CAMK1D: variants seen among roughly 807,000 people sequenced by gnomAD.
CAMK1D encodes the protein calcium/calmodulin dependent protein kinase ID, also known as calcium/calmodulin-dependent protein kinase type 1D.
CAMK1D carries 9 observed loss-of-function variants against 47.7 expected under a neutral mutation model. The observed-to-expected ratio is 0.19, with a 90% CI of 0.11 to 0.33. The LOEUF is 0.33. Ranked by LOEUF, CAMK1D falls within the 10% of genes least tolerant of loss-of-function variation. CAMK1D has a pLI of 1.00. For synonymous variants in CAMK1D, 184 were observed against 184.9 expected, an observed-to-expected ratio of 0.99 and a Z score of 0.04; for missense variants, 291 against 488.7, an observed-to-expected ratio of 0.60 and a Z score of 3.81.
chr10:12,568,104 CTT>C, intron 2 of CAMK1D, among the ~76,000 whole-genome samples: 3 of 149,152 alleles, frequency 2.0e-5, no homozygotes, highest in Non-Finnish European at 3.0e-5. Flanking sequence ...TGCCTGTCTG[CTT>C]TCCTGCCTTC....
chr10:12,451,251 A>G (rs1320958140), intron 1 of CAMK1D, among the ~76,000 whole-genome samples: 1 of 152,186 alleles, frequency 6.6e-6, no homozygotes, highest in Non-Finnish European at 1.5e-5. Context: ...CCTCTGGCCC[A>G]GAGGAGAGAT....
At chr10:12,597,741 TGTC>T (rs1396753487) in intron 2 of CAMK1D, among the ~76,000 whole-genome samples, 1 of 152,212 alleles carries the variant, frequency 6.6e-6, no homozygotes, top group Non-Finnish European at 1.5e-5. Flanking sequence ...CCCATAGGGC[TGTC>T]TTCACTTCCT....
At chr10:12,529,973 T>A (rs561587191) in intron 1 of CAMK1D, among the ~76,000 whole-genome samples, 1 of 152,322 alleles carries the variant, frequency 6.6e-6, no homozygotes, top group East Asian at 1.9e-4. Context: ...GAAACAAATG[T>A]GAATTTTCTC....
Position 12,657,215 on chromosome 10 carries a change from A to G in CAMK1D, c.225-9521A>G, listed in dbSNP as rs1005748678. On this transcript the variant is annotated intron_variant, in intron 2 of 10. Coordinates refer to ENST00000619168, the MANE Select transcript of CAMK1D (RefSeq NM_153498.4). ...GCCGAGGCAGGCTGATCACGAGGTC[A>G]AGAGATCGAGACCATCCTGGCCAAC... Among the ~76,000 whole-genome samples the G allele has an allele frequency of 1.1e-4, 16 of 152,098 alleles. 1 individual carries two copies. Among genetic ancestry groups the G allele is most frequent in the African/African-American group, 3.9e-4 (16 of 41,404 alleles).
intron 1 of CAMK1D, among the ~76,000 whole-genome samples, chr10:12,365,598 C>T (rs986641365): frequency 6.6e-6 from 1 of 152,002 alleles, no homozygotes; most frequent in Non-Finnish European, 1.5e-5. Context: ...GCCACCATGC[C>T]CGGCTAATTT....
chr10:12,548,760 C>T (rs185978708), intron 1 of CAMK1D, among the ~76,000 whole-genome samples: 13 of 149,110 alleles, frequency 8.7e-5, no homozygotes, highest in Admixed American at 2.7e-4. Context: ...CCACCGCGCC[C>T]GGCCTATTTT....
intron 1 of CAMK1D, among the ~76,000 whole-genome samples, chr10:12,499,227 A>G (rs45503193): frequency 2.8e-3 from 419 of 152,224 alleles, no homozygotes; most frequent in Non-Finnish European, 4.0e-3. Flanking sequence ...TTTCTTACCA[A>G]TCTCAGTACT....
intron 2 of CAMK1D, among the ~76,000 whole-genome samples, chr10:12,611,669 G>A (rs1838629548): frequency 7.4e-6 from 1 of 134,492 alleles, no homozygotes; most frequent in Non-Finnish European, 1.5e-5. Flanking sequence ...TCGGCTCACT[G>A]CAACCTCCCC....
chr10:12,605,388 C>G (rs12775727), intron 2 of CAMK1D, among the ~76,000 whole-genome samples: 3 of 139,520 alleles, frequency 2.2e-5, no homozygotes, highest in Non-Finnish European at 3.2e-5. Context: ...AAGAGAGAGA[C>G]AGACACACAT....
Position 12,377,560 on chromosome 10 carries a change from A to G in CAMK1D, c.92+27650A>G, listed in dbSNP as rs188490413. ...ATAATGATTTTTCTTTTCTTGTTAC[A>G]ATGTATTACAAACGTTATTCAGGAG... On this transcript the variant is annotated intron_variant, in intron 1 of 10. Coordinates refer to ENST00000619168, the MANE Select transcript of CAMK1D (RefSeq NM_153498.4). Among the ~76,000 whole-genome samples the G allele has an allele frequency of 1.1e-4, 17 of 152,246 alleles. No homozygotes were observed. The East Asian group carries it at 3.3e-3, about 29-fold the overall frequency.
intron 6 of CAMK1D, among the ~76,000 whole-genome samples, chr10:12,807,527 TCTC>T (rs1423769160): frequency 1.3e-5 from 2 of 152,114 alleles, no homozygotes; most frequent in Non-Finnish European, 2.9e-5. Flanking sequence ...AGCTGCCCTC[TCTC>T]CTCCTCACCC....
At chr10:12,803,930 G>A (rs1011048443) in intron 6 of CAMK1D, among the ~76,000 whole-genome samples, 5 of 152,162 alleles carry the variant, frequency 3.3e-5, no homozygotes, top group Non-Finnish European at 7.3e-5. Context: ...GGCTGGGAGC[G>A]GGAGGCGCCA....
At chr10:12,378,034 A>G (rs1838232549) in intron 1 of CAMK1D, among the ~76,000 whole-genome samples, 1 of 152,244 alleles carries the variant, frequency 6.6e-6, no homozygotes, top group Non-Finnish European at 1.5e-5. Context: ...CACCCCAGGC[A>G]TGCGGCCCAG....
At chr10:12,536,750 T>A (rs898047178) in intron 1 of CAMK1D, among the ~76,000 whole-genome samples, 2 of 152,244 alleles carry the variant, frequency 1.3e-5, no homozygotes, top group African/African-American at 2.4e-5. Flanking sequence ...TACAGATTGA[T>A]ATAAACGGAA....
At chr10:12,489,538 A>G (rs1834317400) in intron 1 of CAMK1D, among the ~76,000 whole-genome samples, 2 of 152,206 alleles carry the variant, frequency 1.3e-5, no homozygotes, top group Admixed American at 6.5e-5. Context: ...GTGTGCTGGT[A>G]AATGTTTAAC....
intron 1 of CAMK1D, among the ~76,000 whole-genome samples, chr10:12,469,481 A>G (rs759825554): frequency 4.6e-5 from 7 of 152,136 alleles, no homozygotes; most frequent in African/African-American, 7.2e-5. Context: ...GGACATCTGC[A>G]TCGTATTCTC....
chr10:12,572,707 T>C (rs1837365036), intron 2 of CAMK1D, among the ~76,000 whole-genome samples: 1 of 152,094 alleles, frequency 6.6e-6, no homozygotes, highest in Non-Finnish European at 1.5e-5. Context: ...TCACAGCTCA[T>C]TGTAGCCTCA....
chr10:12,527,662 C>A (rs1020205829), intron 1 of CAMK1D, among the ~76,000 whole-genome samples: 2 of 152,156 alleles, frequency 1.3e-5, no homozygotes, highest in Non-Finnish European at 2.9e-5. Context: ...AGGCGTGAGC[C>A]ACCGCGCCCA....
chr10:12,808,263 A>C (rs1193818654), intron 6 of CAMK1D, among the ~76,000 whole-genome samples: 2 of 152,162 alleles, frequency 1.3e-5, no homozygotes, highest in East Asian at 3.8e-4. Flanking sequence ...ACTGTCACCC[A>C]TGTCATTATT....
Sources: gnomAD v4.1 joint callset for allele counts (sites outside exome capture counted in the v4.1 genomes callset) on GRCh38, gnomAD v4.1.1 for gene constraint, MANE v1.5 for transcripts, NCBI Gene and HGNC (gene_info 2026-07-23, HGNC 2026-07-21) for gene names.